ZBTB40: variants seen among roughly 807,000 people sequenced by gnomAD.
ZBTB40 encodes zinc finger and BTB domain containing 40.
A neutral mutation model predicts 117.5 loss-of-function variants in ZBTB40; 60 were observed. That is an observed-to-expected ratio of 0.51 (90% CI 0.41 to 0.63). The LOEUF (loss-of-function observed/expected upper bound fraction) is 0.63, where lower values mean the gene tolerates loss of function less well. Among genes scored for constraint, ZBTB40 ranks in the 30% least tolerant of loss-of-function variants. ZBTB40 has a pLI of 0.00. For synonymous variants in ZBTB40, 525 were observed against 577.1 expected (o/e 0.91, Z 1.29); for missense variants, 1,287 against 1,498.5 (o/e 0.86, Z 2.33).
chr1:22,447,484 A>G (rs1640802996), upstream of ZBTB40, among the ~76,000 whole-genome samples: 1 of 152,182 alleles, frequency 6.6e-6, no homozygotes, highest in Non-Finnish European at 1.5e-5. Flanking sequence ...CAGGTGGGCT[A>G]TCATCTTGGA....
rs185743737 is a variant in ZBTB40 at position 22,488,050 on chromosome 1, T to C, written c.-69-1830T>C. ...TTTTCCTCCCATTCTTTTTACCTCATCTGTGCGTCCGTATCTTTTAAGACA... is the reference window on the plus strand; with the variant it reads ...TTTTCCTCCCATTCTTTTTACCTCACCTGTGCGTCCGTATCTTTTAAGACA... On this transcript the variant is annotated intron_variant, in intron 1 of 17. Coordinates refer to ENST00000375647, the MANE Select transcript of ZBTB40 (RefSeq NM_014870.4). Among the ~76,000 whole-genome samples the C allele has an allele frequency of 1.4e-4, 21 of 152,304 alleles. No individual in the cohort carries two copies. In the East Asian group the frequency reaches 4.1e-3, roughly 30 times the overall value.
At chr1:22,503,195 T>C (rs1373697426) in intron 5 of ZBTB40, among the ~76,000 whole-genome samples, 1 of 151,768 alleles carries the variant, frequency 6.6e-6, no homozygotes, top group Non-Finnish European at 1.5e-5. Flanking sequence ...ATTATTCCCT[T>C]ACTATAATTT....
chr1:22,521,695 G>A lies in ZBTB40; in HGVS notation c.3211+37G>A, dbSNP rs150525709. The A allele has an allele frequency of 1.8e-3, 2,899 of 1,614,014 alleles. 43 individuals are homozygous for A. In the African/African-American group the frequency reaches 0.03, roughly 17 times the overall value. On this transcript the variant is annotated intron_variant, in intron 15 of 17. Transcript: ENST00000375647. ...GTACCGCCGGCAGAGAGCGGGAGGG[G>A]CTTGATGGTGTAGCCTCCTGGGCCC...
intron 5 of ZBTB40, among the ~76,000 whole-genome samples, chr1:22,504,844 T>TA (rs1257086515): frequency 1.3e-5 from 2 of 152,250 alleles, no homozygotes; most frequent in Non-Finnish European, 2.9e-5. Flanking sequence ...TGCTTACTCT[T>TA]ACCAGTATCT....
intron 13 of ZBTB40, 92 bp downstream of exon 13, chr1:22,517,556 C>A: frequency 6.7e-7 from 1 of 1,482,268 alleles, no homozygotes; most frequent in South Asian, 1.3e-5. Flanking sequence ...CCATCAGACC[C>A]AAGCTCCATT....
intron 1 of ZBTB40, 75 bp downstream of exon 1, chr1:22,452,079 A>C (rs1449454668): frequency 4.6e-5 from 7 of 152,612 alleles, no homozygotes; most frequent in Non-Finnish European, 5.9e-5. Context: ...GCCCTAAATG[A>C]GGGGTGTATA....
At position 22,528,554 on chromosome 1, in the gene ZBTB40, CAGG is replaced by C. The variant is rs1160306237; in HGVS notation, c.*2159_*2161del. ...CTCAGGTTTCTTTTTTTGGGGGAGA[CAGG>C]GTCTTGCTCTGTCACCCAGACTGGA... is the stretch of plus-strand genomic sequence containing the variant. On this transcript the variant is annotated 3_prime_UTR_variant, in exon 18 of 18. Coordinates refer to ENST00000375647, the MANE Select transcript of ZBTB40 (RefSeq NM_014870.4). The C allele has an allele frequency of 6.6e-6, 1 of 152,262 alleles. No homozygotes were observed. Among genetic ancestry groups the C allele is most frequent in the Non-Finnish European group, 1.5e-5 (1 of 68,022 alleles). 9.4% of individuals were successfully genotyped at this position (152,262 alleles called of 1,614,324 possible).
chr1:22,474,630 G>T (rs1641511177), intron 1 of ZBTB40, among the ~76,000 whole-genome samples: 1 of 152,132 alleles, frequency 6.6e-6, no homozygotes, highest in South Asian at 2.1e-4. Flanking sequence ...TGTTGAGAGT[G>T]CCTGTTATTT....
intron 3 of ZBTB40, among the ~76,000 whole-genome samples, chr1:22,491,971 CAG>C (rs1328386248): frequency 1.3e-5 from 2 of 152,170 alleles, no homozygotes; most frequent in Non-Finnish European, 2.9e-5. Context: ...TTAGGAATAA[CAG>C]TGGCCATTTT....
intron 1 of ZBTB40, among the ~76,000 whole-genome samples, chr1:22,446,599 A>G (rs1640792439): frequency 6.6e-6 from 1 of 151,948 alleles, no homozygotes; most frequent in Admixed American, 6.6e-5. Flanking sequence ...TTCTCCAGAA[A>G]CCTTGCAAGC....
At chr1:22,434,815 A>G (rs2124361793) in intron 1 of ZBTB40, among the ~76,000 whole-genome samples, 1 of 152,284 alleles carries the variant, frequency 6.6e-6, no homozygotes, top group East Asian at 1.9e-4. Context: ...TTTAAAATAT[A>G]GTTTAATATC....
At position 22,489,259 on chromosome 1, in the gene ZBTB40, G is replaced by A. The variant is rs528738016; in HGVS notation, c.-69-621G>A. On this transcript the variant is annotated intron_variant, in intron 1 of 17. Transcript: ENST00000375647. The stretch of plus-strand genomic sequence containing the variant: ...TCAGAAGAGAGGGAAGGTAAGAGGC[G>A]GGATGACTGGGTCCTCGAGCACTCC... Among the ~76,000 whole-genome samples the A allele has an allele frequency of 2.1e-4, 32 of 152,220 alleles. 1 individual carries two copies. The highest frequency in any genetic ancestry group is 8.3e-4 in the South Asian group (4 of 4,812).
chr1:22,511,440 CA>C (rs1237385447), intron 10 of ZBTB40, 93 bp downstream of exon 10: 3 of 1,534,276 alleles, frequency 2.0e-6, no homozygotes, highest in African/African-American at 2.8e-5. Flanking sequence ...TAGTTTATCA[CA>C]ACCTTAAGTT....
chr1:22,468,474 T>C lies in ZBTB40; in HGVS notation c.-70+16470T>C, dbSNP rs1237751869. Among the ~76,000 whole-genome samples the C allele has an allele frequency of 1.8e-3, 214 of 119,172 alleles. 1 individual carries two copies. The highest frequency in any genetic ancestry group is 2.8e-3 in the Non-Finnish European group (163 of 57,776). The allele number at this position is 119,172 out of a possible 152,430, so 78.2% of individuals were successfully genotyped here. A position where few individuals can be genotyped will look rare whatever the true frequency, so the allele number is the denominator to read the frequency against. On this transcript the variant is annotated intron_variant, in intron 1 of 17. Coordinates refer to ENST00000375647, the MANE Select transcript of ZBTB40 (RefSeq NM_014870.4). Reference sequence around the variant, plus strand: ...AAAATGTTAATGTTTCCTTTTTTTTTTTTTTTTTTTTTTTTTTTGGAGACA... The same window carrying C: ...AAAATGTTAATGTTTCCTTTTTTTTCTTTTTTTTTTTTTTTTTTGGAGACA...
intron 1 of ZBTB40, among the ~76,000 whole-genome samples, chr1:22,435,604 G>C (rs1050681729): frequency 2.6e-5 from 4 of 152,068 alleles, no homozygotes; most frequent in African/African-American, 9.7e-5. Context: ...TGGTGAGAGT[G>C]GGCATCCATG....
Position 22,520,223 on chromosome 1 carries a change from C to G in ZBTB40, c.2996C>G (p.Thr999Ser), listed in dbSNP as rs1214124832. ...APSMLERHVV[T>S]HVGGKPFSCG... ...TCCATGCTGGAGCGGCACGTGGTGA[C>G]CCACGTTGGAGGGAAGCCCTTCAGC... Residue 999 changes from threonine to serine, a missense_variant, in exon 14 of 18, where the codon ACC (threonine) becomes AGC (serine). Around this residue, in one of 2 missense-constraint regions of ZBTB40, gnomAD observed 417 missense variants for 564.1 expected, o/e 0.74. Transcript: ENST00000375647. 4 of 1,613,702 alleles carry G rather than the reference C, an allele frequency of 2.5e-6. No homozygotes were observed. The highest frequency in any genetic ancestry group is 3.4e-6 in the Non-Finnish European group (4 of 1,179,912).
At chr1:22,469,927 A>AT (rs942072281) in intron 1 of ZBTB40, among the ~76,000 whole-genome samples, 5 of 152,106 alleles carry the variant, frequency 3.3e-5, no homozygotes, top group African/African-American at 7.2e-5. Context: ...AAAGATAGTT[A>AT]TTTTTTTGCT....
chr1:22,478,746 G>A (rs1478361591), intron 1 of ZBTB40, among the ~76,000 whole-genome samples: 1 of 152,136 alleles, frequency 6.6e-6, no homozygotes, highest in Non-Finnish European at 1.5e-5. Context: ...CTCATTTTTA[G>A]ATGTTGGTGC....
chr1:22,490,626 G>C lies in ZBTB40; in HGVS notation c.678G>C (p.Lys226Asn), dbSNP rs987767626. ...SPAVQTFSEA[K>N]KTSTEPGCER... ...CTGTGCAAACCTTTAGTGAGGCAAAGAAGACAAGCACAGAACCAGGTAACA... is the reference window on the plus strand; with the variant it reads ...CTGTGCAAACCTTTAGTGAGGCAAACAAGACAAGCACAGAACCAGGTAACA... The change falls in exon 2 of 18, where the codon AAG becomes AAC. Residue 226 changes from lysine (K) to asparagine (N), a missense_variant. Lys to Asn is a moderately conservative substitution (Grantham distance 94, BLOSUM62 0). Around this residue, in one of 2 missense-constraint regions of ZBTB40, gnomAD observed 870 missense variants for 934.4 expected, o/e 0.93. Coordinates refer to ENST00000375647, the MANE Select transcript of ZBTB40 (RefSeq NM_014870.4). The C allele has an allele frequency of 1.9e-6, 3 of 1,613,518 alleles. No individual in the cohort carries two copies. The highest frequency in any genetic ancestry group is 2.5e-6 in the Non-Finnish European group (3 of 1,180,002).
Sources: gnomAD v4.1 joint callset for allele counts (sites outside exome capture counted in the v4.1 genomes callset) on GRCh38, gnomAD v4.1.1 for gene constraint, gnomAD v4.1.1 regional missense constraint, MANE v1.5 for transcripts, NCBI Gene and HGNC (gene_info 2026-07-23, HGNC 2026-07-21) for gene names.